Variants in NGLY1 observed in about 807,000 individuals in gnomAD.
The protein encoded by NGLY1 is peptide-N(4)-(N-acetyl-beta-glucosaminyl)asparagine amidase.
In NGLY1, 68 loss-of-function variants were observed where a neutral mutation model predicts 84.6. That is an observed-to-expected ratio of 0.80 (90% CI 0.66 to 0.98). The LOEUF (loss-of-function observed/expected upper bound fraction) is 0.98, where lower values mean the gene tolerates loss of function less well. Among genes scored for constraint, NGLY1 ranks in the 50% least tolerant of loss-of-function variants. The pLI, the probability that NGLY1 is intolerant of heterozygous loss-of-function variation, is 0.00. For missense variants in NGLY1, 779 were observed against 770.2 expected (o/e 1.01, Z -0.14); for synonymous variants, 280 against 275.2 (o/e 1.02, Z -0.17).
chr3:25,764,163 G>C lies in NGLY1; in HGVS notation c.395C>G (p.Thr132Ser). ...TGAAGATGGTGTTGTAGGAAGCTGG[G>C]TACTGGCTGCAGGTTGCTGAGATGA... ...VKSSQQPAAS[T>S]QLPTTPSSNP... The change falls in exon 3 of 12, where the codon ACC becomes AGC. Residue 132 changes from threonine to serine, a missense_variant. Thr to Ser is a moderately conservative substitution (Grantham distance 58). Coordinates refer to ENST00000280700, the MANE Select transcript of NGLY1 (RefSeq NM_018297.4). 6.2e-7 allele frequency: 1 copy of C among 1,614,146 alleles called. No individual in the cohort carries two copies. The highest frequency in any genetic ancestry group is 8.5e-7 in the Non-Finnish European group (1 of 1,180,022).
chr3:25,780,801 A>T (rs2125326171), intron 1 of NGLY1, among the ~76,000 whole-genome samples: 1 of 151,108 alleles, frequency 6.6e-6, no homozygotes, highest in South Asian at 2.1e-4. Context: ...TTTTTTATTA[A>T]GAGATGGGGT....
At chr3:25,744,828 C>T (rs1575627707) in intron 4 of NGLY1, among the ~76,000 whole-genome samples, 1 of 152,250 alleles carries the variant, frequency 6.6e-6, no homozygotes, top group East Asian at 1.9e-4. Context: ...ATGGCTGGAG[C>T]TGCAGCAGCC....
At chr3:25,777,175 C>T (rs529860343) in intron 2 of NGLY1, among the ~76,000 whole-genome samples, 30 of 152,310 alleles carry the variant, frequency 2.0e-4, no homozygotes, top group Middle Eastern at 3.4e-3. Context: ...GCGGGCGGAT[C>T]GCCTGAGGTC....
chr3:25,785,179 A>G (rs1708575802), upstream of NGLY1, among the ~76,000 whole-genome samples: 1 of 150,446 alleles, frequency 6.6e-6, no homozygotes, highest in Non-Finnish European at 1.5e-5. Flanking sequence ...ACTTTTAACC[A>G]CATGAGCCCA....
In NGLY1 at chr3:25,745,948, C is replaced by T. The variant is rs530816640; in HGVS notation, c.658+5150G>A. Among the ~76,000 whole-genome samples the T allele has an allele frequency of 1.2e-4, 18 of 152,302 alleles. 1 individual carries two copies. The highest frequency in any genetic ancestry group is 6.2e-4 in the South Asian group (3 of 4,822). On this transcript the variant is annotated intron_variant, in intron 4 of 11. Coordinates refer to ENST00000280700, the MANE Select transcript of NGLY1 (RefSeq NM_018297.4). ...TAGTCACAATATAACATTAGTCTTT[C>T]GGCCAAGACGTGTTTCCTTTGAATT...
At chr3:25,755,457 C>T in intron 3 of NGLY1, 15 of 1,466,566 alleles carry the variant, frequency 1.0e-5, no homozygotes, top group Non-Finnish European at 1.4e-5. Context: ...ATGTCAGTGA[C>T]AAGCCAAAGA....
In NGLY1 at chr3:25,733,863, A is replaced by C. The variant is rs1705679946; in HGVS notation, c.1260+9T>G. ...AACTGTTCTTTCAAAAAAGATAGCC[A>C]CACCATACCTGCTTATTAAGCCCAT... On this transcript the variant is annotated intron_variant, in intron 8 of 11. Coordinates refer to ENST00000280700, the MANE Select transcript of NGLY1 (RefSeq NM_018297.4). 1.3e-6 allele frequency: 2 copies of C among 1,577,154 alleles called. No homozygotes were observed. Among genetic ancestry groups the C allele is most frequent in the Non-Finnish European group, 1.7e-6 (2 of 1,158,188 alleles).
chr3:25,721,378 CTCTTTATGTTATCTGCCTGG>C (rs764144385), intron 10 of NGLY1, among the ~76,000 whole-genome samples: 7 of 152,150 alleles, frequency 4.6e-5, no homozygotes, highest in Non-Finnish European at 8.8e-5. Context: ...AAATCCCACT[CTCTTTATGTTATCTGCCTGG>C]TCTGAAATGT....
At chr3:25,777,938 C>T (rs1251234001) in intron 2 of NGLY1, 1 of 152,192 alleles carries the variant, frequency 6.6e-6, no homozygotes, top group African/African-American at 2.4e-5. Flanking sequence ...TTCTGACGAC[C>T]ACTGACTATT....
rs187327207 is a variant in NGLY1 at position 25,777,349 on chromosome 3, T to G, written c.246+1225A>C. ...GGCGAAGGTTGTGGTAAGCTGAGAT[T>G]GCATCACCGCACTCCAGCCTGGGCA... On this transcript the variant is annotated intron_variant, in intron 2 of 11. Transcript: ENST00000280700. Among the ~76,000 whole-genome samples the G allele has an allele frequency of 5.2e-5, 7 of 135,508 alleles. No homozygotes were observed. In the East Asian group the frequency reaches 1.7e-3, roughly 33 times the overall value. 88.9% of individuals were successfully genotyped at this position (135,508 alleles called of 152,430 possible).
At chr3:25,765,794 T>C (rs1707535605) in intron 2 of NGLY1, among the ~76,000 whole-genome samples, 2 of 152,144 alleles carry the variant, frequency 1.3e-5, no homozygotes, top group African/African-American at 2.4e-5. Flanking sequence ...TGGAGTGCAG[T>C]GGAGTGATCA....
At chr3:25,737,193 T>C (rs1219464969) in intron 6 of NGLY1, 141 bp downstream of exon 6, 7 of 622,778 alleles carry the variant, frequency 1.1e-5, no homozygotes, top group Non-Finnish European at 1.9e-5. Context: ...AAGGTTGGTA[T>C]TATTACTGTT....
In NGLY1 at chr3:25,732,986, T is replaced by C. The variant is rs113711567; in HGVS notation, c.1261-503A>G. Among the ~76,000 whole-genome samples, 4 of 152,312 alleles carry C rather than the reference T, an allele frequency of 2.6e-5. 1 individual carries two copies. The highest frequency in any genetic ancestry group is 7.2e-5 in the African/African-American group (3 of 41,562). ...CTTTTCCCTTCCAGTCATTTGTCAA[T>C]TATTAAGTGGCATGAGAAGAGGCTG... is the stretch of plus-strand genomic sequence containing the variant. On this transcript the variant is annotated intron_variant, in intron 8 of 11. Transcript: ENST00000280700.
intron 2 of NGLY1, among the ~76,000 whole-genome samples, chr3:25,772,176 G>A (rs1315702634): frequency 6.6e-6 from 1 of 152,158 alleles, no homozygotes; most frequent in Non-Finnish European, 1.5e-5. Flanking sequence ...GTCATACAAA[G>A]TTTTGATTAC....
chr3:25,760,444 A>G (rs1430767405), intron 3 of NGLY1, among the ~76,000 whole-genome samples: 1 of 152,214 alleles, frequency 6.6e-6, no homozygotes, highest in Non-Finnish European at 1.5e-5. Flanking sequence ...GTATGCTGAT[A>G]TAAGGACACA....
chr3:25,788,020 C>A (rs1575674374), upstream of NGLY1, among the ~76,000 whole-genome samples: 1 of 152,126 alleles, frequency 6.6e-6, no homozygotes, highest in East Asian at 1.9e-4. Flanking sequence ...CCTCATTGTC[C>A]CTTTTGTGTT....
intron 10 of NGLY1, among the ~76,000 whole-genome samples, chr3:25,724,809 A>G (rs1209652873): frequency 6.6e-6 from 1 of 152,102 alleles, no homozygotes. Context: ...CCTCTCCAAA[A>G]GCCAACTCAG....
In NGLY1 at chr3:25,764,070, G is replaced by A; in HGVS notation, c.488C>T (p.Ser163Leu). The change falls in exon 3 of 12, where the codon TCA becomes TTA. Residue 163 changes from serine to leucine, a missense_variant. Ser to Leu is a moderately radical substitution (Grantham distance 145, BLOSUM62 -2). Coordinates refer to ENST00000280700, the MANE Select transcript of NGLY1 (RefSeq NM_018297.4). ...QGQSSDPPSA[S>L]TVAADSAILE... ...AAGGTTTAATTCTAACATTACCGTT[G>A]AAGCAGATGGTGGATCTGATGACTG... The A allele has an allele frequency of 1.2e-6, 2 of 1,614,064 alleles. No individual in the cohort carries two copies. The highest frequency in any genetic ancestry group is 1.7e-6 in the Non-Finnish European group (2 of 1,179,960).
chr3:25,732,440 TGGA>T lies in NGLY1; in HGVS notation c.1301_1303del (p.Leu434del). 1 of 1,613,642 alleles carries T rather than the reference TGGA, an allele frequency of 6.2e-7. No individual in the cohort carries two copies. Among genetic ancestry groups the T allele is most frequent in the Non-Finnish European group, 8.5e-7 (1 of 1,179,682 alleles). ...TTCAACAAGCTCCACAATTATCCTCTGGAGAAGTTCTTTCCTTCTGTTTTCTGA... is the reference window on the plus strand; with the variant it reads ...TTCAACAAGCTCCACAATTATCCTCTGAAGTTCTTTCCTTCTGTTTTCTGA... On this transcript the variant is annotated inframe_deletion, in exon 9 of 12. Coordinates refer to ENST00000280700, the MANE Select transcript of NGLY1 (RefSeq NM_018297.4).
Sources: gnomAD v4.1 joint callset for allele counts (sites outside exome capture counted in the v4.1 genomes callset) on GRCh38, gnomAD v4.1.1 for gene constraint, MANE v1.5 for transcripts, NCBI Gene and HGNC (gene_info 2026-07-23, HGNC 2026-07-21) for gene names.